The following DCLK2 variants were observed in gnomAD, a reference collection of about 807,000 sequenced individuals.
DCLK2 encodes the protein doublecortin like kinase 2.
A neutral mutation model predicts 78.4 loss-of-function variants in DCLK2; 31 were observed. That is an observed-to-expected ratio of 0.40 (90% CI 0.30 to 0.53). The LOEUF (loss-of-function observed/expected upper bound fraction) is 0.53. Among genes scored for constraint, DCLK2 ranks in the 20% least tolerant of loss-of-function variants. The pLI, the probability that DCLK2 is intolerant of heterozygous loss-of-function variation, is 0.61. For missense variants in DCLK2, 872 were observed against 973.7 expected, an observed-to-expected ratio of 0.90 and a Z score of 1.39; for synonymous variants, 407 against 374.9, an observed-to-expected ratio of 1.09 and a Z score of -0.99.
At chr4:150,225,083 C>T (rs1245061968) in intron 8 of DCLK2, among the ~76,000 whole-genome samples, 1 of 152,186 alleles carries the variant, frequency 6.6e-6, no homozygotes, top group Non-Finnish European at 1.5e-5. Flanking sequence ...AGCTGGGGAA[C>T]TCTGAGCTTA....
chr4:150,224,620 G>A, intron 8 of DCLK2, 62 bp downstream of exon 8: 2 of 1,418,286 alleles, frequency 1.4e-6, no homozygotes, highest in Non-Finnish European at 1.9e-6. Context: ...GGTGTTTACT[G>A]TGATGAAGGA....
chr4:150,111,994 T>A (rs1338192047), intron 2 of DCLK2, among the ~76,000 whole-genome samples: 1 of 152,200 alleles, frequency 6.6e-6, no homozygotes, highest in Non-Finnish European at 1.5e-5. Context: ...TTTTTCTAAT[T>A]CTGTGAAAAA....
chr4:150,118,505 A>G (rs553459233), intron 2 of DCLK2, among the ~76,000 whole-genome samples: 3 of 152,298 alleles, frequency 2.0e-5, no homozygotes, highest in South Asian at 2.1e-4. Context: ...AAATCTTTCA[A>G]TTTTAATGCT....
chr4:150,229,499 A>T (rs1741879655), intron 8 of DCLK2, among the ~76,000 whole-genome samples: 2 of 152,098 alleles, frequency 1.3e-5, no homozygotes, highest in African/African-American at 4.8e-5. Flanking sequence ...AATCGGTGCA[A>T]TTCCTGTTTC....
At chr4:150,230,323 A>G (rs967423372) in intron 8 of DCLK2, among the ~76,000 whole-genome samples, 1 of 152,190 alleles carries the variant, frequency 6.6e-6, no homozygotes, top group Admixed American at 6.5e-5. Context: ...TATGTGGTAG[A>G]TATCTTATTT....
chr4:150,179,669 G>A (rs942902355), intron 2 of DCLK2, among the ~76,000 whole-genome samples: 10 of 152,082 alleles, frequency 6.6e-5, no homozygotes, highest in African/African-American at 2.4e-4. Context: ...AAATTTTAAA[G>A]GTCATAATAT....
chr4:150,136,600 C>G (rs773630835), intron 2 of DCLK2, among the ~76,000 whole-genome samples: 11 of 152,202 alleles, frequency 7.2e-5, no homozygotes, highest in Admixed American at 5.2e-4. Context: ...ACTTCTCATC[C>G]TAACTCTGAG....
At chr4:150,201,477 C>T (rs1390029006) in intron 4 of DCLK2, among the ~76,000 whole-genome samples, 1 of 152,166 alleles carries the variant, frequency 6.6e-6, no homozygotes, top group Non-Finnish European at 1.5e-5. Context: ...GCTATAAAAA[C>T]TTAGGGGACT....
chr4:150,202,267 T>C (rs940485576), intron 4 of DCLK2, among the ~76,000 whole-genome samples: 3 of 152,234 alleles, frequency 2.0e-5, no homozygotes, highest in Non-Finnish European at 4.4e-5. Flanking sequence ...TAATCAGGGC[T>C]GTTGAATACT....
intron 2 of DCLK2, among the ~76,000 whole-genome samples, chr4:150,145,529 T>G (rs1014314196): frequency 3.1e-4 from 47 of 152,226 alleles, no homozygotes; most frequent in African/African-American, 1.1e-3. Context: ...TTATTTACTT[T>G]TGCCACTTGA....
Position 150,175,112 on chromosome 4 carries a change from T to TTG in DCLK2, c.757-18025_757-18024insGT, listed in dbSNP as rs1283919652. ...TATATATTTATATATATTTATATAT[T>TTG]TATATTTTTTATATATATATAATTT... On this transcript the variant is annotated intron_variant, in intron 2 of 15. Coordinates refer to ENST00000296550, the MANE Select transcript of DCLK2 (RefSeq NM_001040260.4). Among the ~76,000 whole-genome samples the TTG allele has an allele frequency of 3.0e-5, 3 of 100,438 alleles. 1 individual carries two copies. The highest frequency in any genetic ancestry group is 5.1e-5 in the African/African-American group (1 of 19,728). The allele number at this position is 100,438 out of a possible 152,430, so 65.9% of individuals were successfully genotyped here.
intron 4 of DCLK2, among the ~76,000 whole-genome samples, chr4:150,200,326 G>A (rs772201894): frequency 6.6e-5 from 10 of 152,182 alleles, no homozygotes; most frequent in Admixed American, 2.6e-4. Flanking sequence ...AGTAAAAGTT[G>A]TAAGATTTTA....
intron 4 of DCLK2, among the ~76,000 whole-genome samples, chr4:150,200,341 C>G (rs1244744769): frequency 1.3e-5 from 2 of 152,028 alleles, no homozygotes; most frequent in Admixed American, 1.3e-4. Flanking sequence ...ATTTTAAAAC[C>G]ACATTTTAGA....
chr4:150,221,321 T>G (rs1024699450), intron 6 of DCLK2, among the ~76,000 whole-genome samples: 2 of 151,874 alleles, frequency 1.3e-5, no homozygotes, highest in African/African-American at 4.8e-5. Flanking sequence ...TTCTTTGTTT[T>G]TTTTTTTTTT....
chr4:150,186,551 T>A (rs1737951928), intron 2 of DCLK2, among the ~76,000 whole-genome samples: 1 of 151,258 alleles, frequency 6.6e-6, no homozygotes, highest in African/African-American at 2.4e-5. Flanking sequence ...GTGTGCTTCT[T>A]GTCTTTTATT....
chr4:150,189,246 AAAAAT>A (rs1462849045), intron 2 of DCLK2, among the ~76,000 whole-genome samples: 1 of 151,816 alleles, frequency 6.6e-6, no homozygotes, highest in Admixed American at 6.6e-5. Context: ...TTTGGCCAAA[AAAAAT>A]AAAAATCAGT....
rs749274170 is a variant in DCLK2, at chr4:150,079,301, T to C, written c.274T>C (p.Ser92Pro). ...CTTCAAGGGCCTGGTGTTTGCCATC[T>C]CCAGCGACCGCTTCCGGTCCTTCGA... ...RYFKGLVFAI[S>P]SDRFRSFDAL... is the part of the protein sequence containing the mutation. Residue 92 changes from serine to proline, a missense_variant, in exon 1 of 16, where the codon TCC becomes CCC. Physicochemically the swap from Ser to Pro is moderately conservative, Grantham distance 74 (BLOSUM62 -1). Coordinates refer to ENST00000296550, the MANE Select transcript of DCLK2 (RefSeq NM_001040260.4). 15 of 1,596,788 alleles carry C rather than the reference T, an allele frequency of 9.4e-6. No individual in the cohort carries two copies. Among genetic ancestry groups the C allele is most frequent in the Middle Eastern group, 1.6e-4 (1 of 6,066 alleles).
At chr4:150,102,358 C>G (rs1437441298) in intron 1 of DCLK2, 120 bp from the exon 2 acceptor site, 13 of 878,508 alleles carry the variant, frequency 1.5e-5, no homozygotes, top group Non-Finnish European at 2.2e-5. Flanking sequence ...TGAACATCCC[C>G]TTTTAGTGAA....
At chr4:150,186,294 TAAATG>T (rs1221254202) in intron 2 of DCLK2, among the ~76,000 whole-genome samples, 1 of 152,056 alleles carries the variant, frequency 6.6e-6, no homozygotes, top group Non-Finnish European at 1.5e-5. Flanking sequence ...GTTTAAAAAA[TAAATG>T]GTAAAAGGAA....
Sources: allele counts gnomAD v4.1 joint callset (sites outside exome capture counted in the v4.1 genomes callset), GRCh38; gene constraint gnomAD v4.1.1; transcripts MANE v1.5; gene names NCBI Gene and HGNC (gene_info 2026-07-23, HGNC 2026-07-21).